CSMD1: variants seen among roughly 807,000 people sequenced by gnomAD.
The protein encoded by CSMD1 is CUB and Sushi multiple domains 1, also known as CUB and sushi domain-containing protein 1.
In CSMD1, 213 loss-of-function variants were observed where a neutral mutation model predicts 417.5. The observed-to-expected ratio is 0.51, with a 90% confidence interval of 0.46 to 0.57. CSMD1 has a LOEUF of 0.57. Among genes scored for constraint, CSMD1 ranks in the 20% least tolerant of loss-of-function variants. The pLI is 0.00. For missense variants in CSMD1, 6,923 were observed against 4,529.7 expected, an observed-to-expected ratio of 1.53 and a Z score of -15.17; for synonymous variants, 2,862 against 1,736.8, an observed-to-expected ratio of 1.65 and a Z score of -16.11.
At chr8:4,493,582 C>T (rs567560479) in intron 2 of CSMD1, among the ~76,000 whole-genome samples, 1 of 152,056 alleles carries the variant, frequency 6.6e-6, no homozygotes, top group Non-Finnish European at 1.5e-5. Flanking sequence ...CACCTGTAGT[C>T]CCGGCTACTA....
chr8:4,084,521 T>C (rs950611885), intron 3 of CSMD1, among the ~76,000 whole-genome samples: 2 of 152,196 alleles, frequency 1.3e-5, no homozygotes, highest in African/African-American at 4.8e-5. Context: ...TTTTTATTTT[T>C]CCTTACTTCC....
At chr8:3,834,226 T>C (rs898494045) in intron 5 of CSMD1, among the ~76,000 whole-genome samples, 2 of 152,186 alleles carry the variant, frequency 1.3e-5, no homozygotes, top group South Asian at 2.1e-4. Context: ...TTGTAAAGAA[T>C]TGCTCCTAAG....
At chr8:4,145,279 T>G (rs1398959924) in intron 3 of CSMD1, among the ~76,000 whole-genome samples, 1 of 151,060 alleles carries the variant, frequency 6.6e-6, no homozygotes, top group East Asian at 1.9e-4. Context: ...GAGTTAGACT[T>G]CCAATGCTTT....
At chr8:3,062,377 G>A (rs555416448) in intron 49 of CSMD1, among the ~76,000 whole-genome samples, 12 of 152,142 alleles carry the variant, frequency 7.9e-5, no homozygotes, top group Non-Finnish European at 1.6e-4. Context: ...TTTACTATGT[G>A]TAGGTGGTGC....
intron 5 of CSMD1, among the ~76,000 whole-genome samples, chr8:3,881,608 C>CAAAAAAAAA: frequency 9.8e-6 from 1 of 102,540 alleles, no homozygotes; most frequent in Non-Finnish European, 2.1e-5. Context: ...GACTCCATCT[C>CAAAAAAAAA]AAAAAAAAAA....
intron 1 of CSMD1, among the ~76,000 whole-genome samples, chr8:4,872,322 T>C (rs1189381574): frequency 6.6e-6 from 1 of 152,066 alleles, no homozygotes; most frequent in Non-Finnish European, 1.5e-5. Context: ...TCTTGAATTA[T>C]AATCCCCATC....
intron 2 of CSMD1, among the ~76,000 whole-genome samples, chr8:4,511,208 C>G (rs1276729241): frequency 6.6e-6 from 1 of 152,102 alleles, no homozygotes; most frequent in Non-Finnish European, 1.5e-5. Flanking sequence ...ATGTACAGAT[C>G]CATTTTTAAC....
rs138925189 is a variant in CSMD1, at chr8:4,266,069, C to G, written c.415+153884G>C. Among the ~76,000 whole-genome samples, 235 of 103,698 alleles carry G rather than the reference C, an allele frequency of 2.3e-3. 40 individuals carry two copies. Among genetic ancestry groups the G allele is most frequent in the African/African-American group, 6.0e-3 (228 of 38,094 alleles). The allele number at this position is 103,698 out of a possible 152,430, so 68.0% of individuals were successfully genotyped here. ...ATATTAGCTGATACTGATCACCTGCCCACCGCACATAGACTCACCAGGCAT... is the reference window on the plus strand; with the variant it reads ...ATATTAGCTGATACTGATCACCTGCGCACCGCACATAGACTCACCAGGCAT... On this transcript the variant is annotated intron_variant, in intron 3 of 69. Transcript: ENST00000635120.
intron 1 of CSMD1, among the ~76,000 whole-genome samples, chr8:4,819,188 A>G (rs1799378705): frequency 6.6e-6 from 1 of 152,106 alleles, no homozygotes; most frequent in African/African-American, 2.4e-5. Flanking sequence ...CACACATTCA[A>G]TTTTTTTGAC....
At position 4,603,955 on chromosome 8, in the gene CSMD1, A is replaced by G. The variant is rs978253186; in HGVS notation, c.302+33387T>C. Among the ~76,000 whole-genome samples, 6 of 152,294 alleles carry G rather than the reference A, an allele frequency of 3.9e-5. No individual in the cohort carries two copies. In the South Asian group the frequency reaches 6.2e-4, roughly 16 times the overall value. On this transcript the variant is annotated intron_variant, in intron 2 of 69. Coordinates refer to ENST00000635120, the MANE Select transcript of CSMD1 (RefSeq NM_033225.6). The stretch of plus-strand genomic sequence containing the variant: ...TAAATGATCACTAATGTACATCTAT[A>G]TACATTTCTAAATTACAAATTGACA...
rs374479881 is a variant in CSMD1 at position 3,052,585 on chromosome 8, A to G, written c.7537T>C (p.Leu2513=). The change falls in exon 50 of 70, where the codon TTG becomes CTG. Residue 2513 remains leucine (L), a synonymous_variant. Coordinates refer to ENST00000635120, the MANE Select transcript of CSMD1 (RefSeq NM_033225.6). ...NGSFTGNEFT[L]DSKVVYECHE... ...CATTCATAGACCACTTTACTGTCCA[A>G]AGTGAACTCGTTCCCGGTAAATGAA... 4 of 1,611,856 alleles carry G rather than the reference A, an allele frequency of 2.5e-6. No individual in the cohort carries two copies. The highest frequency in any genetic ancestry group is 3.4e-6 in the Non-Finnish European group (4 of 1,179,102).
intron 3 of CSMD1, among the ~76,000 whole-genome samples, chr8:4,367,173 G>A (rs1032966778): frequency 1.3e-5 from 2 of 152,084 alleles, no homozygotes; most frequent in African/African-American, 4.8e-5. Context: ...TTTTAATTGT[G>A]TTAGAGCTTG....
At chr8:4,919,116 T>C (rs1340796641) in intron 1 of CSMD1, among the ~76,000 whole-genome samples, 2 of 152,246 alleles carry the variant, frequency 1.3e-5, no homozygotes, top group Non-Finnish European at 2.9e-5. Flanking sequence ...TGTCATGCCT[T>C]ACTTCTATAA....
At chr8:4,494,604 C>T (rs1201940945) in intron 2 of CSMD1, among the ~76,000 whole-genome samples, 2 of 152,084 alleles carry the variant, frequency 1.3e-5, no homozygotes, top group African/African-American at 4.8e-5. Context: ...ACAAATTACA[C>T]TAACTATGGG....
intron 1 of CSMD1, among the ~76,000 whole-genome samples, chr8:4,759,789 C>T (rs1811920595): frequency 6.6e-6 from 1 of 152,042 alleles, no homozygotes; most frequent in Non-Finnish European, 1.5e-5. Context: ...ACATATGTAC[C>T]AGTTTCTTTA....
At chr8:4,098,706 A>T (rs1216148107) in intron 3 of CSMD1, among the ~76,000 whole-genome samples, 1 of 152,136 alleles carries the variant, frequency 6.6e-6, no homozygotes, top group African/African-American at 2.4e-5. Context: ...TGTAGCACCT[A>T]CTCTAGGTTT....
chr8:3,660,013 T>G (rs924695362), intron 7 of CSMD1, among the ~76,000 whole-genome samples: 5 of 152,236 alleles, frequency 3.3e-5, no homozygotes, highest in Non-Finnish European at 5.9e-5. Context: ...AATACGTATC[T>G]AATCGCCAAG....
At chr8:4,778,522 A>G (rs971303515) in intron 1 of CSMD1, among the ~76,000 whole-genome samples, 1 of 152,220 alleles carries the variant, frequency 6.6e-6, no homozygotes, top group African/African-American at 2.4e-5. Context: ...CGGTATAAGC[A>G]TACAGCAAAT....
rs989666191 is a variant in CSMD1, at chr8:4,178,260, G to T, written c.416-146161C>A. On this transcript the variant is annotated intron_variant, in intron 3 of 69. Transcript: ENST00000635120. ...ATCAAGTGGGCTTCATCCCTGGGAT[G>T]CAAGGCTGGTTCAATATACGCAAAT... 8.5e-5 allele frequency among the ~76,000 whole-genome samples: 13 copies of T among 152,196 alleles called. No individual in the cohort carries two copies. In the East Asian group the frequency reaches 2.1e-3, roughly 25 times the overall value.
Sources: gnomAD v4.1 joint callset for allele counts (sites outside exome capture counted in the v4.1 genomes callset) on GRCh38, gnomAD v4.1.1 for gene constraint, MANE v1.5 for transcripts, NCBI Gene and HGNC (gene_info 2026-07-23, HGNC 2026-07-21) for gene names.